Variants in SNRPE observed in about 807,000 individuals in gnomAD.
SNRPE encodes the protein small nuclear ribonucleoprotein E.
For missense variants in SNRPE, 53 were observed against 111.6 expected, an observed-to-expected ratio of 0.48 and a Z score of 2.36; for synonymous variants, 35 against 36.7, an observed-to-expected ratio of 0.95 and a Z score of 0.17.
intron 3 of SNRPE, 39 bp downstream of exon 3, chr1:203,863,764 C>G (rs760221764): frequency 1.5e-6 from 2 of 1,367,418 alleles, no homozygotes; most frequent in African/African-American, 1.4e-5. Flanking sequence ...GCAGTTCGGT[C>G]GTAGAAAAAG....
intron 4 of SNRPE, among the ~76,000 whole-genome samples, chr1:203,867,107 G>GGAAAA (rs1553274835): frequency 2.3e-4 from 12 of 52,852 alleles, no homozygotes; most frequent in Middle Eastern, 9.3e-3. Flanking sequence ...TGTCTTTCCT[G>GGAAAA]AAAAAAAAAA....
At chr1:203,867,650 GAT>G (rs1231799863) in intron 4 of SNRPE, among the ~76,000 whole-genome samples, 2 of 152,124 alleles carry the variant, frequency 1.3e-5, no homozygotes, top group Non-Finnish European at 2.9e-5. Context: ...GGCTTCCACT[GAT>G]ATGACAGGAG....
At chr1:203,869,211 A>C (rs1243895147) in intron 4 of SNRPE, among the ~76,000 whole-genome samples, 1 of 150,636 alleles carries the variant, frequency 6.6e-6, no homozygotes, top group Non-Finnish European at 1.5e-5. Flanking sequence ...GATGTTTATA[A>C]ATTTCTCAGA....
chr1:203,866,142 C>A (rs1213866059), intron 4 of SNRPE, among the ~76,000 whole-genome samples: 1 of 152,208 alleles, frequency 6.6e-6, no homozygotes, highest in African/African-American at 2.4e-5. Flanking sequence ...GAGCAGCTCC[C>A]ATGCTGAAAC....
At chr1:203,863,473 A>G (rs1417009728) in intron 2 of SNRPE, among the ~76,000 whole-genome samples, 190 bp from the exon 3 acceptor site, 1 of 151,914 alleles carries the variant, frequency 6.6e-6, no homozygotes, top group Non-Finnish European at 1.5e-5. Flanking sequence ...GTGCGCCACC[A>G]CGCCCAGCTA....
At chr1:203,861,827 C>T (rs1177436416) in intron 1 of SNRPE, 114 bp downstream of exon 1, 5 of 828,728 alleles carry the variant, frequency 6.0e-6, no homozygotes, top group South Asian at 1.4e-5. Context: ...CCCATGAGCC[C>T]CCGGGGCTAC....
chr1:203,863,469 C>T (rs1427522776), intron 2 of SNRPE, among the ~76,000 whole-genome samples, 194 bp from the exon 3 acceptor site: 1 of 152,138 alleles, frequency 6.6e-6, no homozygotes, highest in African/African-American at 2.4e-5. Flanking sequence ...AGGCGTGCGC[C>T]ACCACGCCCA....
At chr1:203,861,738 T>C (rs763881917) in intron 1 of SNRPE, 25 bp downstream of exon 1, 4 of 1,580,196 alleles carry the variant, frequency 2.5e-6, no homozygotes, top group Non-Finnish European at 3.5e-6. Context: ...ATGTCAGGAC[T>C]AGGAGGTTCG....
chr1:203,861,945 GAGA>G (rs2103504722), intron 1 of SNRPE: 1 of 612,732 alleles, frequency 1.6e-6, no homozygotes, highest in Admixed American at 2.9e-5. Context: ...AAGGAGGGAA[GAGA>G]ACTTCAGGTG....
In SNRPE at chr1:203,866,260, T is replaced by C. The variant is rs535750263; in HGVS notation, c.223+1141T>C. Among the ~76,000 whole-genome samples the C allele has an allele frequency of 3.5e-3, 537 of 152,306 alleles. 3 individuals are homozygous for C. Among genetic ancestry groups the C allele is most frequent in the African/African-American group, 0.012 (514 of 41,570 alleles). On this transcript the variant is annotated intron_variant, in intron 4 of 4. Coordinates refer to ENST00000414487, the MANE Select transcript of SNRPE (RefSeq NM_003094.4). Reference sequence around the variant, plus strand: ...TATGGGATTGAAGACCAAGTAAATATTTTGCAGTATCACACCTTGGCTCTA... The same window carrying C: ...TATGGGATTGAAGACCAAGTAAATACTTTGCAGTATCACACCTTGGCTCTA...
Position 203,867,115 on chromosome 1 carries a change from A to AC in SNRPE, c.223+1996_223+1997insC, listed in dbSNP as rs1334226466. Among the ~76,000 whole-genome samples, 68 of 98,360 alleles carry AC rather than the reference A, an allele frequency of 6.9e-4. 2 individuals are homozygous for AC. Among genetic ancestry groups the AC allele is most frequent in the African/African-American group, 1.5e-3 (39 of 26,416 alleles). The allele number at this position is 98,360 out of a possible 152,430, so 64.5% of individuals were successfully genotyped here. On this transcript the variant is annotated intron_variant, in intron 4 of 4. Coordinates refer to ENST00000414487, the MANE Select transcript of SNRPE (RefSeq NM_003094.4). Reference sequence around the variant, plus strand: ...GAAACCCTGTCTTTCCTGAAAAAAAAAAAAAAAAAAAAAAATTAGCTGGGC... The same window carrying AC: ...GAAACCCTGTCTTTCCTGAAAAAAAACAAAAAAAAAAAAAAATTAGCTGGGC...
Position 203,863,653 on chromosome 1 carries a change from A to G in SNRPE, c.82-10A>G. The G allele has an allele frequency of 6.2e-7, 1 of 1,606,726 alleles. No homozygotes were observed. Among genetic ancestry groups the G allele is most frequent in the Non-Finnish European group, 8.5e-7 (1 of 1,173,572 alleles). ...TTTTTTTAACGTTTCCACTTTTATGATTATTTCAGAGATCGCGGATTCAGG... is the reference window on the plus strand; with the variant it reads ...TTTTTTTAACGTTTCCACTTTTATGGTTATTTCAGAGATCGCGGATTCAGG... On this transcript the variant is annotated splice_polypyrimidine_tract_variant and intron_variant, in intron 2 of 4. Coordinates refer to ENST00000414487, the MANE Select transcript of SNRPE (RefSeq NM_003094.4).
In SNRPE at chr1:203,861,642, T is replaced by G. The variant is rs1313393813; in HGVS notation, c.-18T>G. 6.2e-7 allele frequency: 1 copy of G among 1,608,624 alleles called. No individual in the cohort carries two copies. Among genetic ancestry groups the G allele is most frequent in the Non-Finnish European group, 8.5e-7 (1 of 1,174,936 alleles). On this transcript the variant is annotated 5_prime_UTR_variant, in exon 1 of 5. Coordinates refer to ENST00000414487, the MANE Select transcript of SNRPE (RefSeq NM_003094.4). ...TCTCAGAGGCAGCGTGCGGGTGTGC[T>G]CTTTGTGAAATTCCACCATGGCGTA...
Position 203,870,748 on chromosome 1 carries a change from A to G in SNRPE, c.*816A>G, listed in dbSNP as rs1345917037. 1.3e-5 allele frequency among the ~76,000 whole-genome samples: 2 copies of G among 152,238 alleles called. No homozygotes were observed. The highest frequency in any genetic ancestry group is 1.5e-5 in the Non-Finnish European group (1 of 68,040). The stretch of plus-strand genomic sequence containing the variant: ...CCCAGTATCGCACATGGTTCTAGTT[A>G]GAATCCTGTTAGATAGTGAGCATCT... On this transcript the variant is annotated 3_prime_UTR_variant, in exon 5 of 5. Coordinates refer to ENST00000414487, the MANE Select transcript of SNRPE (RefSeq NM_003094.4).
chr1:203,864,214 A>G (rs1194578386), intron 3 of SNRPE, among the ~76,000 whole-genome samples: 1 of 151,926 alleles, frequency 6.6e-6, no homozygotes, highest in Non-Finnish European at 1.5e-5. Context: ...TCAGCCTCTC[A>G]AAGTCTTGGG....
intron 2 of SNRPE, 168 bp from the exon 3 acceptor site, chr1:203,863,495 A>G (rs1690019658): frequency 5.4e-6 from 3 of 552,974 alleles, no homozygotes; most frequent in Admixed American, 6.5e-5. Context: ...TTTTTTTTGT[A>G]TTTTTAGTAG....
chr1:203,863,671 G>C lies in SNRPE; in HGVS notation c.90G>C (p.Arg30=). 6.2e-7 allele frequency: 1 copy of C among 1,610,826 alleles called. No individual in the cohort carries two copies. Among genetic ancestry groups the C allele is most frequent in the Non-Finnish European group, 8.5e-7 (1 of 1,177,104 alleles). Residue 30 remains arginine (R), a synonymous_variant, in exon 3 of 5, where the codon CGG becomes CGC. Transcript: ENST00000414487. ...LIFRYLQNRS[R]IQVWLYEQVN... ...TTTTATGATTATTTCAGAGATCGCGGATTCAGGTGTGGCTCTATGAGCAAG... is the reference window on the plus strand; with the variant it reads ...TTTTATGATTATTTCAGAGATCGCGCATTCAGGTGTGGCTCTATGAGCAAG...
At chr1:203,863,280 C>T (rs1415742672) in intron 2 of SNRPE, among the ~76,000 whole-genome samples, 10 of 151,938 alleles carry the variant, frequency 6.6e-5, no homozygotes, top group Non-Finnish European at 1.5e-5. Flanking sequence ...CTTTGGCATC[C>T]CAAAGTATGG....
intron 4 of SNRPE, among the ~76,000 whole-genome samples, chr1:203,868,357 G>T (rs1355796112): frequency 6.6e-6 from 1 of 152,118 alleles, no homozygotes; most frequent in Non-Finnish European, 1.5e-5. Context: ...GCCTGGCAAT[G>T]AATGGTATTT....
Sources: gnomAD v4.1 joint callset for allele counts (sites outside exome capture counted in the v4.1 genomes callset) on GRCh38, gnomAD v4.1.1 for gene constraint, MANE v1.5 for transcripts, NCBI Gene and HGNC (gene_info 2026-07-23, HGNC 2026-07-21) for gene names.